Variants in SHANK2 observed in about 807,000 individuals in gnomAD.
SHANK2 encodes SH3 and multiple ankyrin repeat domains 2, also known as SH3 and multiple ankyrin repeat domains protein 2.
A neutral mutation model predicts 133.7 loss-of-function variants in SHANK2; 43 were observed. That is an observed-to-expected ratio of 0.32 (90% CI 0.25 to 0.41). SHANK2 has a LOEUF of 0.41. SHANK2 is among the 10% of genes least tolerant of loss of function. The pLI, the probability that SHANK2 is intolerant of heterozygous loss-of-function variation, is 1.00. For missense variants in SHANK2, 1,994 were observed against 2,235.8 expected (o/e 0.89, Z 2.18); for synonymous variants, 1,017 against 952.8 (o/e 1.07, Z -1.24).
intron 1 of SHANK2, among the ~76,000 whole-genome samples, chr11:71,245,345 A>T (rs1353639963): frequency 2.0e-5 from 3 of 152,256 alleles, no homozygotes; most frequent in Non-Finnish European, 4.4e-5. Flanking sequence ...TTATACCAAC[A>T]TGTCATGAGT....
At chr11:70,672,061 T>TTTTC (rs1565230847) in intron 15 of SHANK2, among the ~76,000 whole-genome samples, 5 of 100,996 alleles carry the variant, frequency 5.0e-5, no homozygotes, top group African/African-American at 1.8e-4. Context: ...TTTTCTTTTC[T>TTTTC]TTTTCTTTTT....
intron 17 of SHANK2, among the ~76,000 whole-genome samples, chr11:70,646,819 CTTTT>C (rs1654684865): frequency 9.4e-6 from 1 of 106,040 alleles, no homozygotes; most frequent in African/African-American, 3.6e-5. Context: ...AGGAATCTAA[CTTTT>C]ATTTATTTTA....
chr11:70,737,019 G>A (rs1555033711), intron 14 of SHANK2, among the ~76,000 whole-genome samples: 1 of 152,116 alleles, frequency 6.6e-6, no homozygotes, highest in Non-Finnish European at 1.5e-5. Flanking sequence ...CCAGGGGCCT[G>A]GGGAACCTGT....
intron 17 of SHANK2, among the ~76,000 whole-genome samples, chr11:70,513,342 G>C (rs2059227154): frequency 6.6e-6 from 1 of 152,156 alleles, no homozygotes; most frequent in South Asian, 2.1e-4. Context: ...GTTGATGTCT[G>C]AGCTGAGCTG....
chr11:70,502,713 C>T lies in SHANK2; in HGVS notation c.2197+83G>A, dbSNP rs2135825681. On this transcript the variant is annotated intron_variant, in intron 18 of 25. Transcript: ENST00000601538. ...TGGGATCAGCTGGAGAGAGGGCCCACTGCCCCCCAGCTGTCCTGCCCGCCC... is the reference window on the plus strand; with the variant it reads ...TGGGATCAGCTGGAGAGAGGGCCCATTGCCCCCCAGCTGTCCTGCCCGCCC... 9 of 1,404,422 alleles carry T rather than the reference C, an allele frequency of 6.4e-6. No individual in the cohort carries two copies. In the South Asian group the frequency reaches 1.2e-4, roughly 18 times the overall value. 87.0% of individuals were successfully genotyped at this position (1,404,422 alleles called of 1,614,324 possible).
At chr11:70,865,220 G>A (rs1949334135) in intron 11 of SHANK2, 1 of 152,166 alleles carries the variant, frequency 6.6e-6, no homozygotes, top group Admixed American at 6.5e-5. Context: ...TGATACCCGT[G>A]AGAGGATTTG....
intron 14 of SHANK2, among the ~76,000 whole-genome samples, chr11:70,738,959 T>G (rs782806324): frequency 5.3e-5 from 8 of 152,096 alleles, no homozygotes; most frequent in Non-Finnish European, 1.2e-4. Flanking sequence ...AACTTTCCCA[T>G]GTAGGGAGGG....
rs529046477 is a variant in SHANK2 at position 71,093,201 on chromosome 11, C to T, written c.745-612G>A. ...TCCTCGGCCTGGTCAACATTTTGTGCCAGTGGTGTGGCATGGGCAGCAATA... is the reference window on the plus strand; with the variant it reads ...TCCTCGGCCTGGTCAACATTTTGTGTCAGTGGTGTGGCATGGGCAGCAATA... On this transcript the variant is annotated intron_variant, in intron 7 of 25. Coordinates refer to ENST00000601538, the MANE Select transcript of SHANK2 (RefSeq NM_012309.5). Among the ~76,000 whole-genome samples, 5 of 152,226 alleles carry T rather than the reference C, an allele frequency of 3.3e-5. No individual in the cohort carries two copies. The East Asian group carries it at 5.8e-4, about 18-fold the overall frequency.
intron 15 of SHANK2, among the ~76,000 whole-genome samples, chr11:70,686,545 C>G (rs782468496): frequency 6.1e-4 from 93 of 152,264 alleles, no homozygotes; most frequent in Middle Eastern, 3.4e-3. Context: ...CCACTCAACT[C>G]TCCATTCTCT....
At chr11:71,226,986 G>A (rs1565527454) in intron 1 of SHANK2, among the ~76,000 whole-genome samples, 1 of 152,194 alleles carries the variant, frequency 6.6e-6, no homozygotes, top group East Asian at 1.9e-4. Flanking sequence ...AGGGTAAAGA[G>A]ACAAAGAAGA....
chr11:70,678,135 C>T (rs1278200015), intron 15 of SHANK2, among the ~76,000 whole-genome samples: 1 of 152,120 alleles, frequency 6.6e-6, no homozygotes, highest in East Asian at 1.9e-4. Flanking sequence ...CCTTCTTGTT[C>T]TTTTGTTGTG....
intron 17 of SHANK2, among the ~76,000 whole-genome samples, chr11:70,586,920 C>T (rs74974161): frequency 0.063 from 9,618 of 152,236 alleles, 344 homozygotes; most frequent in East Asian, 0.097. Flanking sequence ...CTCCCTCTTC[C>T]CTCCCCCACC....
rs545370532 is a variant in SHANK2 at position 71,118,923 on chromosome 11, G to A, written c.317C>T (p.Pro106Leu). The change falls in exon 4 of 26, where the codon CCG becomes CTG. Residue 106 changes from proline (P) to leucine (L), a missense_variant. Physicochemically the swap from Pro to Leu is moderately conservative, Grantham distance 98. This residue lies in a region of SHANK2 where 653 missense variants were observed against 563.4 expected (regional missense o/e 1.16). Transcript: ENST00000601538. ...CTTGCCGTCACGCCCATTGCTGGCC[G>A]GCTGGAACAGGCCGTAGTTCAGGAC... Reference protein sequence around the residue: ...KDVLNYGLFQPASNGRDGKFL... With the variant: ...KDVLNYGLFQLASNGRDGKFL... 8 of 1,551,740 alleles carry A rather than the reference G, an allele frequency of 5.2e-6. No homozygotes were observed. In the Admixed American group the frequency reaches 5.9e-5, roughly 11 times the overall value.
chr11:70,911,686 A>G (rs1181788117), intron 10 of SHANK2, among the ~76,000 whole-genome samples: 2 of 152,192 alleles, frequency 1.3e-5, no homozygotes, highest in African/African-American at 4.8e-5. Context: ...CTGTGAGTGC[A>G]CCTGCAGCTT....
chr11:71,183,962 G>A (rs977439320), intron 2 of SHANK2, among the ~76,000 whole-genome samples: 1 of 152,194 alleles, frequency 6.6e-6, no homozygotes, highest in African/African-American at 2.4e-5. Flanking sequence ...ATGGGAAGGG[G>A]TGTGTTCTAC....
At chr11:71,116,465 T>C (rs868908101) in intron 4 of SHANK2, among the ~76,000 whole-genome samples, 4 of 152,174 alleles carry the variant, frequency 2.6e-5, no homozygotes, top group Middle Eastern at 3.4e-3. Context: ...CACGTGGAAA[T>C]GTGTAGGGCT....
chr11:70,677,212 C>T (rs1015479662), intron 15 of SHANK2, among the ~76,000 whole-genome samples: 5 of 152,220 alleles, frequency 3.3e-5, no homozygotes, highest in African/African-American at 4.8e-5. Context: ...AGGCCAGACG[C>T]TGCCTCTGCT....
rs1415439353 is a variant in SHANK2, at chr11:71,252,388, C to T, written c.-113+37G>A. ...TGCCCAAGGGCCACCTCCCGTCCTC[C>T]CCGGCCCGCGCCCTGCGTCCCCGGC... On this transcript the variant is annotated intron_variant, in intron 1 of 25. Transcript: ENST00000601538. The surrounding 1 kb of genome is among the most constrained non-coding windows in gnomAD (Gnocchi z 6.3). 6.6e-6 allele frequency: 1 copy of T among 152,086 alleles called. No individual in the cohort carries two copies. The highest frequency in any genetic ancestry group is 1.5e-5 in the Non-Finnish European group (1 of 68,038). The allele number at this position is 152,086 out of a possible 1,614,324, so 9.4% of individuals were successfully genotyped here.
intron 15 of SHANK2, 85 bp downstream of exon 15, chr11:70,698,603 T>C: frequency 2.8e-6 from 2 of 715,434 alleles, no homozygotes; most frequent in South Asian, 1.5e-5. Context: ...GCCTGAAAGC[T>C]GCATGCAAGA....
Sources: gnomAD v4.1 joint callset for allele counts (sites outside exome capture counted in the v4.1 genomes callset) on GRCh38, gnomAD v4.1.1 for gene constraint, gnomAD v4.1.1 regional missense constraint, Gnocchi (gnomAD v3.1) non-coding constraint, MANE v1.5 for transcripts, NCBI Gene and HGNC (gene_info 2026-07-23, HGNC 2026-07-21) for gene names.